Variants in NUP98 observed in about 807,000 individuals in gnomAD.
NUP98 encodes nucleoporin 98 and 96 precursor, also known as nuclear pore complex protein Nup98-Nup96.
Under a neutral mutation model 191.9 loss-of-function variants are expected in NUP98, and 26 were observed. The ratio of observed to expected loss-of-function variants is 0.14; its 90% confidence interval spans 0.10 to 0.19. The LOEUF (loss-of-function observed/expected upper bound fraction) is 0.19. Ranked by LOEUF, NUP98 falls within the 10% of genes least tolerant of loss-of-function variation. The pLI is 1.00. For missense variants in NUP98, 1,941 were observed against 2,178.8 expected (o/e 0.89, Z 2.17); for synonymous variants, 808 against 778.4 (o/e 1.04, Z -0.63).
intron 12 of NUP98, among the ~76,000 whole-genome samples, chr11:3,739,784 T>C (rs1177244866): frequency 3.3e-5 from 5 of 152,246 alleles, no homozygotes; most frequent in East Asian, 3.9e-4. Flanking sequence ...CAGAAAACTA[T>C]AGCTTAGAGT....
Position 3,762,279 on chromosome 11 carries a change from G to GT in NUP98, c.1086+622dup, listed in dbSNP as rs750354577. Reference sequence around the variant, plus strand: ...CACCCACCACCACACCCAGCTAGTGGTTTTTTTTTTTTTTGTATTTTTAGG... The same window carrying GT: ...CACCCACCACCACACCCAGCTAGTGGTTTTTTTTTTTTTTTGTATTTTTAGG... On this transcript the variant is annotated intron_variant, in intron 9 of 32. Transcript: ENST00000324932. Among the ~76,000 whole-genome samples, 1,360 of 142,028 alleles carry GT rather than the reference G, an allele frequency of 9.6e-3. 8 individuals carry two copies. Among genetic ancestry groups the GT allele is most frequent in the South Asian group, 0.032 (143 of 4,418 alleles). 93.2% of individuals were successfully genotyped at this position (142,028 alleles called of 152,430 possible).
intron 28 of NUP98, among the ~76,000 whole-genome samples, 177 bp from the exon 29 acceptor site, chr11:3,686,371 A>C (rs1187423360): frequency 2.6e-5 from 4 of 152,232 alleles, no homozygotes; most frequent in African/African-American, 9.6e-5. Flanking sequence ...GCCAGACTTT[A>C]GATCCTACAA....
rs183775513 is a variant in NUP98 at position 3,692,929 on chromosome 11, A to G, written c.4311+303T>C. On this transcript the variant is annotated intron_variant, in intron 27 of 32. Transcript: ENST00000324932. Reference sequence around the variant, plus strand: ...TATTATATTTAGAGGCAAATTTCAGAACTAAGTTTGAAGATAAACCAAATC... The same window carrying G: ...TATTATATTTAGAGGCAAATTTCAGGACTAAGTTTGAAGATAAACCAAATC... The G allele has an allele frequency of 1.6e-4, 40 of 250,560 alleles. No individual in the cohort carries two copies. The East Asian group carries it at 3.0e-3, about 19-fold the overall frequency. The allele number at this position is 250,560 out of a possible 1,614,324, so 15.5% of individuals were successfully genotyped here. A position where few individuals can be genotyped will look rare whatever the true frequency, so the allele number is the denominator to read the frequency against.
chr11:3,755,388 A>G (rs1452488730), intron 10 of NUP98, among the ~76,000 whole-genome samples: 3 of 151,856 alleles, frequency 2.0e-5, no homozygotes, highest in Non-Finnish European at 4.4e-5. Context: ...CGCTTGAACC[A>G]AGGAGGCAGA....
chr11:3,746,660 C>T (rs899369684), intron 11 of NUP98, among the ~76,000 whole-genome samples: 2 of 151,750 alleles, frequency 1.3e-5, no homozygotes, highest in Non-Finnish European at 2.9e-5. Flanking sequence ...CGCCTGTAAT[C>T]CTAGCACTGT....
chr11:3,717,322 A>G (rs911227484), intron 18 of NUP98, among the ~76,000 whole-genome samples: 1 of 152,158 alleles, frequency 6.6e-6, no homozygotes, highest in Non-Finnish European at 1.5e-5. Flanking sequence ...TTTCTAACTC[A>G]TGAGTATGGT....
At position 3,712,687 on chromosome 11, in the gene NUP98, T is replaced by A; in HGVS notation, c.2619A>T (p.Glu873Asp). ...FSKYGLQDSD[E>D]EEEEHPSKTS... ...TTTTAGACGGATGCTCCTCCTCCTC[T>A]TCATCAGAATCCTGAAGGCCATACT... Residue 873 changes from glutamate to aspartate, a missense_variant, in exon 20 of 33, where the codon GAA (glutamate) becomes GAT (aspartate). Coordinates refer to ENST00000324932, the MANE Select transcript of NUP98 (RefSeq NM_016320.5). The A allele has an allele frequency of 6.2e-7, 1 of 1,613,244 alleles. No homozygotes were observed. The highest frequency in any genetic ancestry group is 8.5e-7 in the Non-Finnish European group (1 of 1,179,960).
Position 3,702,569 on chromosome 11 carries a change from G to C in NUP98, c.3406C>G (p.Leu1136Val), listed in dbSNP as rs183924890. The C allele has an allele frequency of 1.2e-6, 2 of 1,614,064 alleles. No homozygotes were observed. Among genetic ancestry groups the C allele is most frequent in the Non-Finnish European group, 1.7e-6 (2 of 1,180,010 alleles). Residue 1136 changes from leucine (L) to valine (V), a missense_variant, in exon 23 of 33, where the codon CTT becomes GTT. Around this residue, in one of 6 missense-constraint regions of NUP98, gnomAD observed 1,030 missense variants for 1,115.8 expected, o/e 0.92. Coordinates refer to ENST00000324932, the MANE Select transcript of NUP98 (RefSeq NM_016320.5). ...FRVGWGPNWT[L>V]ANSGEQLNGS... ...TTCAGCTGTTCTCCACTATTAGCAAGAGTCCAGTTGGGGCCCCAACCAACA... is the reference window on the plus strand; with the variant it reads ...TTCAGCTGTTCTCCACTATTAGCAACAGTCCAGTTGGGGCCCCAACCAACA...
intron 14 of NUP98, among the ~76,000 whole-genome samples, chr11:3,728,464 G>A (rs1448686091): frequency 6.6e-6 from 1 of 152,214 alleles, no homozygotes; most frequent in African/African-American, 2.4e-5. Context: ...GGCTGGGTGC[G>A]GCGGCTCACG....
chr11:3,745,610 A>G (rs909246416), intron 11 of NUP98, among the ~76,000 whole-genome samples: 18 of 152,148 alleles, frequency 1.2e-4, no homozygotes, highest in Non-Finnish European at 1.9e-4. Flanking sequence ...TTGGCAATTG[A>G]TAAGATTTAA....
chr11:3,776,248 A>T (rs1237945879), intron 4 of NUP98, among the ~76,000 whole-genome samples: 1 of 151,274 alleles, frequency 6.6e-6, no homozygotes, highest in African/African-American at 2.4e-5. Flanking sequence ...CAGCCTCCCA[A>T]GTAGCTGGGA....
chr11:3,690,025 C>T (rs1247826236), intron 28 of NUP98, among the ~76,000 whole-genome samples: 2 of 144,026 alleles, frequency 1.4e-5, no homozygotes, highest in African/African-American at 5.2e-5. Flanking sequence ...AATCTTGGCT[C>T]ACTGCAACCT....
At chr11:3,702,303 ACACACACACACTCTCTCTCTCT>A (rs1373361001) in intron 23 of NUP98, among the ~76,000 whole-genome samples, 138 bp downstream of exon 23, 4 of 58,822 alleles carry the variant, frequency 6.8e-5, no homozygotes, top group African/African-American at 2.5e-4. Context: ...ACACACACAC[ACACACACACACTCTCTCTCTCT>A]CTCTCTCTCT....
chr11:3,793,312 T>C (rs1006280152), intron 1 of NUP98, among the ~76,000 whole-genome samples: 10 of 152,026 alleles, frequency 6.6e-5, no homozygotes, highest in Non-Finnish European at 4.4e-5. Context: ...TTTTATGATA[T>C]GGAGTCTTGC....
chr11:3,689,857 G>C (rs959497591), intron 28 of NUP98, among the ~76,000 whole-genome samples: 1 of 150,884 alleles, frequency 6.6e-6, no homozygotes, highest in African/African-American at 2.4e-5. Context: ...GGCTGGCCTC[G>C]AACTCCTGGG....
intron 11 of NUP98, among the ~76,000 whole-genome samples, chr11:3,749,408 T>C (rs1392532312): frequency 6.6e-6 from 1 of 152,102 alleles, no homozygotes; most frequent in Non-Finnish European, 1.5e-5. Context: ...GTGGATCACT[T>C]GAGGTCAGGA....
chr11:3,733,833 T>C (rs924016398), intron 13 of NUP98, among the ~76,000 whole-genome samples: 1 of 152,198 alleles, frequency 6.6e-6, no homozygotes, highest in Non-Finnish European at 1.5e-5. Flanking sequence ...GATAGCAACC[T>C]TAATAAATTC....
intron 8 of NUP98, among the ~76,000 whole-genome samples, chr11:3,766,305 G>A (rs1338180996): frequency 2.0e-5 from 3 of 151,704 alleles, no homozygotes; most frequent in Non-Finnish European, 2.9e-5. Flanking sequence ...CCCAGGAGGC[G>A]GAGGACGCAG....
chr11:3,723,851 T>C (rs1025999655), intron 15 of NUP98, among the ~76,000 whole-genome samples: 1 of 149,696 alleles, frequency 6.7e-6, no homozygotes, highest in Non-Finnish European at 1.5e-5. Context: ...TTCTTTTTCG[T>C]GATACAGCCC....
Sources: allele counts gnomAD v4.1 joint callset (sites outside exome capture counted in the v4.1 genomes callset), GRCh38; gene constraint gnomAD v4.1.1; regional missense constraint gnomAD v4.1.1; transcripts MANE v1.5; gene names NCBI Gene and HGNC (gene_info 2026-07-23, HGNC 2026-07-21).